Variants in WWOX observed in about 807,000 individuals in gnomAD.
WWOX encodes WW domain-containing oxidoreductase.
A neutral mutation model predicts 46.2 loss-of-function variants in WWOX; 69 were observed. The observed-to-expected ratio is 1.49, with a 90% CI of 1.23 to 1.82. The LOEUF (loss-of-function observed/expected upper bound fraction) is 1.82. Among genes scored for constraint, WWOX ranks in the 40% most tolerant of loss-of-function variants. The pLI is 0.00. For synonymous variants in WWOX, 359 were observed against 202.6 expected, an observed-to-expected ratio of 1.77 and a Z score of -6.56; for missense variants, 919 against 542.6, an observed-to-expected ratio of 1.69 and a Z score of -6.89.
chr16:78,191,484 G>C (rs2035882423), intron 5 of WWOX, among the ~76,000 whole-genome samples: 1 of 152,116 alleles, frequency 6.6e-6, no homozygotes, highest in African/African-American at 2.4e-5. Flanking sequence ...TCAATGTATG[G>C]TCCCAACGTT....
intron 5 of WWOX, among the ~76,000 whole-genome samples, chr16:78,304,476 C>G (rs973901729): frequency 2.6e-4 from 40 of 152,208 alleles, no homozygotes; most frequent in Admixed American, 1.3e-3. Context: ...CTGCAAACTC[C>G]AGCACACCCA....
chr16:78,139,886 T>G (rs892367878), intron 4 of WWOX, among the ~76,000 whole-genome samples: 2 of 152,178 alleles, frequency 1.3e-5, no homozygotes, highest in African/African-American at 2.4e-5. Flanking sequence ...CTCCAGGCAC[T>G]TTAGGAAATG....
intron 5 of WWOX, among the ~76,000 whole-genome samples, chr16:78,377,097 C>G (rs1391558261): frequency 6.6e-6 from 1 of 152,202 alleles, no homozygotes; most frequent in East Asian, 1.9e-4. Flanking sequence ...GTGGGAAGTT[C>G]CAGTGCTTAA....
At chr16:79,118,553 A>G (rs1379404948) in intron 8 of WWOX, among the ~76,000 whole-genome samples, 1 of 152,244 alleles carries the variant, frequency 6.6e-6, no homozygotes, top group East Asian at 1.9e-4. Flanking sequence ...CGATTTGTAA[A>G]AAACACAGTA....
At chr16:78,164,729 C>A (rs2113161) in intron 5 of WWOX, among the ~76,000 whole-genome samples, 114,436 of 152,138 alleles carry the variant, frequency 0.75, 43,300 homozygotes, top group East Asian at 0.91. Flanking sequence ...AAGGGCTTGC[C>A]TTAGTCTTGG....
intron 8 of WWOX, among the ~76,000 whole-genome samples, chr16:78,979,554 G>T (rs577440784): frequency 3.9e-5 from 6 of 152,144 alleles, no homozygotes; most frequent in African/African-American, 1.4e-4. Flanking sequence ...GATGGCTAAG[G>T]CTCCTGTGAC....
chr16:79,121,224 C>T (rs371185602), intron 8 of WWOX, among the ~76,000 whole-genome samples: 1 of 152,186 alleles, frequency 6.6e-6, no homozygotes, highest in East Asian at 1.9e-4. Context: ...ACATGGGTAT[C>T]CTCTGGGGCA....
chr16:78,732,374 A>C (rs2048990215), intron 8 of WWOX, among the ~76,000 whole-genome samples: 1 of 152,106 alleles, frequency 6.6e-6, no homozygotes, highest in Admixed American at 6.5e-5. Flanking sequence ...GAGAGGCCCA[A>C]ATAGAGAGGA....
Position 79,042,728 on chromosome 16 carries a change from G to GTTTTTTT in WWOX, c.1057-168871_1057-168865dup, listed in dbSNP as rs11379084. Reference sequence around the variant, plus strand: ...GTGGGAAGACAGATGAATACTCAGGGTTTTTTTTTTTTTTTCTTCTAACTT... The same window carrying GTTTTTTT: ...GTGGGAAGACAGATGAATACTCAGGGTTTTTTTTTTTTTTTTTTTTTTCTTCTAACTT... On this transcript the variant is annotated intron_variant, in intron 8 of 8. Coordinates refer to ENST00000566780, the MANE Select transcript of WWOX (RefSeq NM_016373.4). Among the ~76,000 whole-genome samples, 5 of 143,122 alleles carry GTTTTTTT rather than the reference G, an allele frequency of 3.5e-5. 1 individual carries two copies. Among genetic ancestry groups the GTTTTTTT allele is most frequent in the Non-Finnish European group, 3.0e-5 (2 of 66,172 alleles). 93.9% of individuals were successfully genotyped at this position (143,122 alleles called of 152,430 possible).
intron 8 of WWOX, among the ~76,000 whole-genome samples, chr16:78,936,822 G>A (rs925000248): frequency 6.6e-6 from 1 of 152,122 alleles, no homozygotes; most frequent in Non-Finnish European, 1.5e-5. Context: ...TTAATCCATC[G>A]CTGTCAGGCT....
intron 8 of WWOX, among the ~76,000 whole-genome samples, chr16:78,767,469 AGTGTGTGTGTGTCT>A (rs1294594030): frequency 6.1e-5 from 7 of 114,238 alleles, no homozygotes; most frequent in African/African-American, 2.1e-4. Context: ...TTTCTGTGTG[AGTGTGTGTGTGTCT>A]GTGTGTGTGT....
At chr16:78,602,918 T>C (rs79886857) in intron 8 of WWOX, among the ~76,000 whole-genome samples, 2,452 of 152,232 alleles carry the variant, frequency 0.016, 51 homozygotes, top group East Asian at 0.069. Flanking sequence ...TGCATACACT[T>C]TTTACTTGTC....
chr16:78,879,242 G>A (rs1463869233), intron 8 of WWOX, among the ~76,000 whole-genome samples: 2 of 152,142 alleles, frequency 1.3e-5, no homozygotes, highest in Non-Finnish European at 2.9e-5. Context: ...GGCATGCCGG[G>A]CAGGCTTTTG....
chr16:78,922,440 G>A (rs7498636), intron 8 of WWOX, among the ~76,000 whole-genome samples: 80,902 of 150,346 alleles, frequency 0.54, 24,893 homozygotes, highest in Non-Finnish European at 0.67. Context: ...GTGCAGTGGC[G>A]TGACCTTGGC....
chr16:78,410,175 T>C (rs1397703809), intron 6 of WWOX, among the ~76,000 whole-genome samples: 2 of 152,218 alleles, frequency 1.3e-5, no homozygotes, highest in Non-Finnish European at 2.9e-5. Context: ...CCGCCATGAC[T>C]GTAAGCCTCC....
At chr16:79,126,620 C>A (rs1008108351) in intron 8 of WWOX, among the ~76,000 whole-genome samples, 1 of 152,106 alleles carries the variant, frequency 6.6e-6, no homozygotes, top group African/African-American at 2.4e-5. Flanking sequence ...AAACCTCTTT[C>A]CTTTATAAAC....
At chr16:78,739,432 C>T (rs552902861) in intron 8 of WWOX, among the ~76,000 whole-genome samples, 2 of 152,156 alleles carry the variant, frequency 1.3e-5, no homozygotes, top group Non-Finnish European at 2.9e-5. Context: ...CACTACACAT[C>T]TTCGGTTCCT....
chr16:78,226,606 T>G (rs1035655856), intron 5 of WWOX, among the ~76,000 whole-genome samples: 3 of 151,820 alleles, frequency 2.0e-5, no homozygotes, highest in African/African-American at 7.3e-5. Flanking sequence ...TCTTCCTGTA[T>G]TATTTTCTTG....
intron 8 of WWOX, among the ~76,000 whole-genome samples, chr16:78,771,068 C>T (rs113067602): frequency 1.4e-4 from 21 of 152,138 alleles, no homozygotes; most frequent in Non-Finnish European, 2.6e-4. Flanking sequence ...TCAGGTCAGC[C>T]GGCATGGCAT....
Sources: allele counts gnomAD v4.1 joint callset (sites outside exome capture counted in the v4.1 genomes callset), GRCh38; gene constraint gnomAD v4.1.1; transcripts MANE v1.5; gene names NCBI Gene and HGNC (gene_info 2026-07-23, HGNC 2026-07-21).